ZNRF1: variants seen among roughly 807,000 people sequenced by gnomAD.
The protein encoded by ZNRF1 is zinc and ring finger 1.
A neutral mutation model predicts 18.4 loss-of-function variants in ZNRF1; 3 were observed. The observed-to-expected ratio is 0.16, with a 90% confidence interval of 0.07 to 0.42. ZNRF1 has a LOEUF of 0.42. Among genes scored for constraint, ZNRF1 ranks in the 10% least tolerant of loss-of-function variants. ZNRF1 has a pLI of 0.99. For synonymous variants in ZNRF1, 157 were observed against 144.2 expected, an observed-to-expected ratio of 1.09 and a Z score of -0.64; for missense variants, 310 against 329.8, an observed-to-expected ratio of 0.94 and a Z score of 0.47.
intron 1 of ZNRF1, among the ~76,000 whole-genome samples, chr16:75,073,724 C>G (rs1382485806): frequency 6.6e-6 from 1 of 152,082 alleles, no homozygotes; most frequent in Non-Finnish European, 1.5e-5. Context: ...CATGTACATG[C>G]TCTGCGGGGA....
At chr16:75,010,718 T>TTTTC (rs760578568) in intron 1 of ZNRF1, among the ~76,000 whole-genome samples, 1 of 115,414 alleles carries the variant, frequency 8.7e-6, no homozygotes, top group Non-Finnish European at 1.8e-5. Context: ...TTTGTTTTTT[T>TTTTC]GTTTTTTTTT....
chr16:75,037,718 T>G (rs2035394194), intron 1 of ZNRF1, among the ~76,000 whole-genome samples: 1 of 152,118 alleles, frequency 6.6e-6, no homozygotes, highest in South Asian at 2.1e-4. Context: ...CCTTTAACAT[T>G]GTAAAAAATG....
At chr16:75,060,516 C>T (rs1018300901) in intron 1 of ZNRF1, among the ~76,000 whole-genome samples, 32 of 128,240 alleles carry the variant, frequency 2.5e-4, no homozygotes, top group African/African-American at 8.6e-4. Flanking sequence ...TTCATTCTGT[C>T]GCCCAGGCTT....
chr16:75,038,459 A>C (rs946033468), intron 1 of ZNRF1, among the ~76,000 whole-genome samples: 1 of 152,194 alleles, frequency 6.6e-6, no homozygotes, highest in African/African-American at 2.4e-5. Flanking sequence ...CCTAGGGCCT[A>C]CTAGCCTTGG....
At chr16:75,073,516 A>G (rs530801125) in intron 1 of ZNRF1, among the ~76,000 whole-genome samples, 9 of 151,968 alleles carry the variant, frequency 5.9e-5, no homozygotes, top group African/African-American at 2.2e-4. Context: ...TATTGGTTTA[A>G]TTTTTCATTT....
In ZNRF1 at chr16:75,027,284, A is replaced by G. The variant is rs1021680364; in HGVS notation, c.424+27189A>G. 2.8e-4 allele frequency among the ~76,000 whole-genome samples: 43 copies of G among 152,170 alleles called. 1 individual carries two copies. Among genetic ancestry groups the G allele is most frequent in the Non-Finnish European group, 8.8e-5 (6 of 68,030 alleles). ...AGACCCTGTCTCTTAAAAAAAAAAG[A>G]AAATAAAAGTGCTGTGGCTCTAATA... On this transcript the variant is annotated intron_variant, in intron 1 of 4. Transcript: ENST00000335325.
At chr16:75,034,622 G>C (rs1027417991) in intron 1 of ZNRF1, among the ~76,000 whole-genome samples, 3 of 152,050 alleles carry the variant, frequency 2.0e-5, no homozygotes, top group Non-Finnish European at 2.9e-5. Flanking sequence ...CCGTTCTTTC[G>C]ATTTTAACTT....
chr16:75,070,579 A>G (rs1386888446), intron 1 of ZNRF1, among the ~76,000 whole-genome samples: 1 of 152,202 alleles, frequency 6.6e-6, no homozygotes, highest in African/African-American at 2.4e-5. Context: ...AGGAGTGCTT[A>G]TATTACATCA....
intron 1 of ZNRF1, among the ~76,000 whole-genome samples, chr16:75,063,708 T>G (rs931034792): frequency 3.3e-5 from 5 of 152,202 alleles, no homozygotes; most frequent in African/African-American, 1.2e-4. Flanking sequence ...AAGAGGTGAA[T>G]GCTTGCGAGC....
chr16:75,094,182 C>T (rs1447795752), intron 2 of ZNRF1, among the ~76,000 whole-genome samples: 10 of 152,184 alleles, frequency 6.6e-5, no homozygotes, highest in Admixed American at 6.5e-4. Flanking sequence ...TATGAGTCCA[C>T]ACCAGAGAGC....
At chr16:75,065,436 C>T (rs1015402011) in intron 1 of ZNRF1, among the ~76,000 whole-genome samples, 1 of 152,210 alleles carries the variant, frequency 6.6e-6, no homozygotes, top group Non-Finnish European at 1.5e-5. Context: ...TTTGTAGTAG[C>T]AGTGCCAACT....
intron 1 of ZNRF1, among the ~76,000 whole-genome samples, chr16:75,002,604 T>C (rs1314885537): frequency 6.6e-6 from 1 of 152,174 alleles, no homozygotes; most frequent in East Asian, 1.9e-4. Context: ...GGAGGTAGAA[T>C]ACTGAAGGGC....
intron 1 of ZNRF1, among the ~76,000 whole-genome samples, chr16:75,088,132 T>G (rs2036095032): frequency 6.6e-6 from 1 of 152,256 alleles, no homozygotes; most frequent in South Asian, 2.1e-4. Context: ...CAAAATTTCC[T>G]GGATGTTTTA....
chr16:75,097,780 C>T (rs1430697485), intron 2 of ZNRF1, among the ~76,000 whole-genome samples: 1 of 152,180 alleles, frequency 6.6e-6, no homozygotes, highest in African/African-American at 2.4e-5. Context: ...CACGCCACTG[C>T]ACTCCAGCCT....
chr16:75,064,209 G>A (rs910954483), intron 1 of ZNRF1, among the ~76,000 whole-genome samples: 1 of 152,148 alleles, frequency 6.6e-6, no homozygotes, highest in African/African-American at 2.4e-5. Context: ...GCTGAGTTGG[G>A]AGGATCAGTT....
At chr16:75,066,895 A>G (rs910917589) in intron 1 of ZNRF1, among the ~76,000 whole-genome samples, 2 of 152,186 alleles carry the variant, frequency 1.3e-5, no homozygotes, top group Non-Finnish European at 2.9e-5. Flanking sequence ...AAATTACCCC[A>G]AAACTTAATA....
chr16:75,061,529 ACCTT>A (rs2035744244), intron 1 of ZNRF1, among the ~76,000 whole-genome samples: 2 of 103,886 alleles, frequency 1.9e-5, no homozygotes, highest in East Asian at 2.9e-4. Flanking sequence ...GTGTATATGT[ACCTT>A]CCATTCATGT....
chr16:75,073,127 T>TCTCC (rs1402494007), intron 1 of ZNRF1, among the ~76,000 whole-genome samples: 2 of 119,184 alleles, frequency 1.7e-5, no homozygotes, highest in African/African-American at 6.1e-5. Context: ...CATCTCTCTC[T>TCTCC]CTCTCTCTCT....
chr16:75,010,413 A>G, intron 1 of ZNRF1, among the ~76,000 whole-genome samples: 1 of 152,226 alleles, frequency 6.6e-6, no homozygotes, highest in Non-Finnish European at 1.5e-5. Flanking sequence ...TCTGTGTTAT[A>G]TTTGAGTACA....
Sources: gnomAD v4.1 joint callset for allele counts (sites outside exome capture counted in the v4.1 genomes callset) on GRCh38, gnomAD v4.1.1 for gene constraint, MANE v1.5 for transcripts, NCBI Gene and HGNC (gene_info 2026-07-23, HGNC 2026-07-21) for gene names.